FBXL17: variants seen among roughly 807,000 people sequenced by gnomAD.
FBXL17 encodes the protein F-box/LRR-repeat protein 17.
In FBXL17, 22 loss-of-function variants were observed where a neutral mutation model predicts 66.2. The ratio of observed to expected loss-of-function variants is 0.33; its 90% CI spans 0.24 to 0.47. The LOEUF (loss-of-function observed/expected upper bound fraction) is 0.47, where lower values mean the gene tolerates loss of function less well. Among genes scored for constraint, FBXL17 ranks in the 20% least tolerant of loss-of-function variants. The pLI is 1.00. For missense variants in FBXL17, 878 were observed against 948.2 expected, an observed-to-expected ratio of 0.93 and a Z score of 0.97; for synonymous variants, 474 against 400.5, an observed-to-expected ratio of 1.18 and a Z score of -2.19.
At chr5:107,973,354 A>ATTTTT (rs200079422) in intron 7 of FBXL17, among the ~76,000 whole-genome samples, 7 of 120,458 alleles carry the variant, frequency 5.8e-5, no homozygotes, top group East Asian at 4.6e-4. Flanking sequence ...TTTTTTTGTA[A>ATTTTT]TTTTTTTTTT....
At chr5:107,994,381 T>C (rs12152934) in intron 7 of FBXL17, among the ~76,000 whole-genome samples, 2,320 of 152,242 alleles carry the variant, frequency 0.015, 30 homozygotes, top group Middle Eastern at 0.031. Flanking sequence ...GCAAAATCTT[T>C]TTAGTGTGTT....
At chr5:108,024,280 G>A (rs1158560214) in intron 6 of FBXL17, among the ~76,000 whole-genome samples, 2 of 152,086 alleles carry the variant, frequency 1.3e-5, no homozygotes, top group East Asian at 3.9e-4. Flanking sequence ...TAAATGCTGA[G>A]GAATATCAAA....
chr5:108,047,082 A>C (rs1747279670), intron 6 of FBXL17, among the ~76,000 whole-genome samples: 1 of 152,204 alleles, frequency 6.6e-6, no homozygotes, highest in African/African-American at 2.4e-5. Context: ...AAGAACCATA[A>C]TTAGCATATG....
intron 3 of FBXL17, among the ~76,000 whole-genome samples, chr5:108,353,763 G>A (rs1747790544): frequency 6.6e-6 from 1 of 151,918 alleles, no homozygotes; most frequent in African/African-American, 2.4e-5. Context: ...AGGGTAAGGG[G>A]AAAAAAAGAA....
At chr5:108,270,394 A>G (rs1451890924) in intron 4 of FBXL17, among the ~76,000 whole-genome samples, 1 of 150,752 alleles carries the variant, frequency 6.6e-6, no homozygotes, top group Non-Finnish European at 1.5e-5. Context: ...GTTAAATCAC[A>G]TATTTATTTA....
At chr5:108,121,549 A>C (rs779550936) in intron 6 of FBXL17, among the ~76,000 whole-genome samples, 1 of 152,118 alleles carries the variant, frequency 6.6e-6, no homozygotes, top group Non-Finnish European at 1.5e-5. Context: ...AATTGATACA[A>C]AAATATATTT....
chr5:108,350,295 A>G (rs1472201586), intron 3 of FBXL17, among the ~76,000 whole-genome samples: 1 of 152,166 alleles, frequency 6.6e-6, no homozygotes, highest in Non-Finnish European at 1.5e-5. Flanking sequence ...TTTTCCTACA[A>G]TGGCAAAAAA....
chr5:108,283,857 C>A (rs369124980), intron 4 of FBXL17, among the ~76,000 whole-genome samples: 1 of 151,406 alleles, frequency 6.6e-6, no homozygotes, highest in Admixed American at 6.6e-5. Context: ...ACAAATAACC[C>A]CATTTAAAAG....
intron 6 of FBXL17, among the ~76,000 whole-genome samples, chr5:108,123,981 T>A (rs1750600579): frequency 6.6e-6 from 1 of 152,130 alleles, no homozygotes; most frequent in East Asian, 1.9e-4. Flanking sequence ...GAGAATATAT[T>A]AAAGATACAA....
chr5:108,353,347 C>T lies in FBXL17; in HGVS notation c.1375-4817G>A, dbSNP rs116840577. ...GGGAACCAGGGCTAGAGTAGGAAAA[C>T]CTGAACTCTGCATTTGACAAAATAC... On this transcript the variant is annotated intron_variant, in intron 3 of 8. Coordinates refer to ENST00000542267, the MANE Select transcript of FBXL17 (RefSeq NM_001163315.3). Among the ~76,000 whole-genome samples the T allele has an allele frequency of 2.7e-3, 418 of 152,202 alleles. 4 individuals carry two copies. The highest frequency in any genetic ancestry group is 9.5e-3 in the African/African-American group (396 of 41,534).
chr5:108,124,025 G>A (rs906229485), intron 6 of FBXL17, among the ~76,000 whole-genome samples: 1 of 151,910 alleles, frequency 6.6e-6, no homozygotes, highest in Non-Finnish European at 1.5e-5. Flanking sequence ...GTTTATTTAG[G>A]GTAAAGGATC....
intron 6 of FBXL17, among the ~76,000 whole-genome samples, chr5:108,136,870 A>G (rs1751156661): frequency 6.6e-6 from 1 of 152,184 alleles, no homozygotes; most frequent in Admixed American, 6.5e-5. Flanking sequence ...TGATGAATCC[A>G]GAATATTATT....
At chr5:108,321,893 T>C (rs894019155) in intron 4 of FBXL17, among the ~76,000 whole-genome samples, 2 of 151,780 alleles carry the variant, frequency 1.3e-5, no homozygotes, top group African/African-American at 4.8e-5. Flanking sequence ...AGTAGAAAAA[T>C]GAGCCAAGGA....
intron 6 of FBXL17, among the ~76,000 whole-genome samples, chr5:108,055,302 AAAAAAAAAAAAG>A (rs1561388231): frequency 5.4e-4 from 18 of 33,330 alleles, no homozygotes; most frequent in Middle Eastern, 0.014. Context: ...AAAAAAAAAA[AAAAAAAAAAAAG>A]AAAAACGCTT....
intron 6 of FBXL17, among the ~76,000 whole-genome samples, chr5:108,179,995 T>G (rs548282783): frequency 6.6e-6 from 1 of 152,132 alleles, no homozygotes; most frequent in Non-Finnish European, 1.5e-5. Context: ...GGAAAGAATG[T>G]TGACGTAAGA....
chr5:108,026,865 T>A (rs548781803), intron 6 of FBXL17, among the ~76,000 whole-genome samples: 1 of 152,270 alleles, frequency 6.6e-6, no homozygotes, highest in East Asian at 1.9e-4. Flanking sequence ...ATGAGACACA[T>A]CACAAGAGGT....
At chr5:107,995,455 A>G (rs1753433682) in intron 7 of FBXL17, among the ~76,000 whole-genome samples, 1 of 152,142 alleles carries the variant, frequency 6.6e-6, no homozygotes, top group South Asian at 2.1e-4. Flanking sequence ...AACCAAAAGA[A>G]CCAAAAAGCC....
At chr5:108,151,510 T>C (rs1473260703) in intron 6 of FBXL17, among the ~76,000 whole-genome samples, 1 of 152,200 alleles carries the variant, frequency 6.6e-6, no homozygotes, top group East Asian at 1.9e-4. Context: ...AAAGGTGAGA[T>C]AAGGTTTCTA....
At chr5:108,147,892 C>T (rs1751620757) in intron 6 of FBXL17, among the ~76,000 whole-genome samples, 1 of 151,310 alleles carries the variant, frequency 6.6e-6, no homozygotes, top group Non-Finnish European at 1.5e-5. Context: ...ACAGTAAAAT[C>T]GTATCCTCAA....
Sources: gnomAD v4.1 joint callset for allele counts (sites outside exome capture counted in the v4.1 genomes callset) on GRCh38, gnomAD v4.1.1 for gene constraint, MANE v1.5 for transcripts, NCBI Gene and HGNC (gene_info 2026-07-23, HGNC 2026-07-21) for gene names.